Variants in TTL observed in about 807,000 individuals in gnomAD.
TTL encodes the protein tubulin--tyrosine ligase.
In TTL, 10 loss-of-function variants were observed where a neutral mutation model predicts 41.1. The observed-to-expected ratio is 0.24, with a 90% CI of 0.15 to 0.41. TTL has a LOEUF of 0.41. TTL is among the 10% of genes least tolerant of loss of function. The probability of loss-of-function intolerance (pLI) is 1.00; values close to 1 mark genes in which losing one functional copy is unlikely to be tolerated. For synonymous variants in TTL, 175 were observed against 175.5 expected (o/e 1.00, Z 0.02); for missense variants, 367 against 460.4 (o/e 0.80, Z 1.86).
intron 6 of TTL, among the ~76,000 whole-genome samples, chr2:112,527,499 G>T (rs143200986): frequency 0.1 from 15,934 of 152,230 alleles, 1,044 homozygotes; most frequent in South Asian, 0.16. Context: ...GGGTGCGCCT[G>T]TATTGGGTGC....
chr2:112,510,990 T>C (rs2104464810), intron 5 of TTL, among the ~76,000 whole-genome samples: 1 of 152,262 alleles, frequency 6.6e-6, no homozygotes, highest in South Asian at 2.1e-4. Context: ...GAATGTGTAC[T>C]TGGCTATAAT....
chr2:112,519,976 C>G (rs1682175288), intron 5 of TTL, among the ~76,000 whole-genome samples: 1 of 151,806 alleles, frequency 6.6e-6, no homozygotes, highest in African/African-American at 2.4e-5. Context: ...ACTGAAAATA[C>G]AAAATTAGCT....
intron 2 of TTL, among the ~76,000 whole-genome samples, chr2:112,490,834 AACTGCT>A (rs1220761025): frequency 6.6e-6 from 1 of 152,084 alleles, no homozygotes; most frequent in Non-Finnish European, 1.5e-5. Context: ...CGGCCTCCCA[AACTGCT>A]GGCATTACAG....
chr2:112,518,117 C>T (rs957995649), intron 5 of TTL, among the ~76,000 whole-genome samples: 3 of 150,156 alleles, frequency 2.0e-5, no homozygotes, highest in Admixed American at 6.6e-5. Flanking sequence ...TACAGGCATG[C>T]GCCACCACAG....
intron 2 of TTL, among the ~76,000 whole-genome samples, chr2:112,487,915 C>T (rs1372663494): frequency 3.3e-5 from 5 of 152,162 alleles, no homozygotes; most frequent in Admixed American, 1.3e-4. Context: ...ATAAAGTCTC[C>T]TTGATTTTAT....
rs1682672148 is a variant in TTL at position 112,539,525 on chromosome 2, T to A, written c.*10730T>A. On this transcript the variant is annotated 3_prime_UTR_variant, in exon 7 of 7. Transcript: ENST00000233336. Reference sequence around the variant, plus strand: ...CTAGAAATAAATTACTTCCTCAACATGATAAAGAGCATCTTTGGAAAAACC... The same window carrying A: ...CTAGAAATAAATTACTTCCTCAACAAGATAAAGAGCATCTTTGGAAAAACC... 1 of 152,324 alleles carries A rather than the reference T, an allele frequency of 6.6e-6. No individual in the cohort carries two copies. The highest frequency in any genetic ancestry group is 2.4e-5 in the African/African-American group (1 of 41,558). 9.4% of individuals were successfully genotyped at this position (152,324 alleles called of 1,614,324 possible).
At chr2:112,492,980 C>T (rs1408953482) in intron 2 of TTL, among the ~76,000 whole-genome samples, 3 of 152,170 alleles carry the variant, frequency 2.0e-5, no homozygotes, top group Admixed American at 6.5e-5. Context: ...TCAGTAGCCA[C>T]TTGTGGTTGG....
In TTL at chr2:112,482,637, G is replaced by A; in HGVS notation, c.157+136G>A. 1 of 1,000,998 alleles carries A rather than the reference G, an allele frequency of 1.0e-6. No individual in the cohort carries two copies. Among genetic ancestry groups the A allele is most frequent in the Admixed American group, 3.6e-5 (1 of 28,046 alleles). 62.0% of individuals were successfully genotyped at this position (1,000,998 alleles called of 1,614,324 possible). ...GTCGCTTGTCGGGCACATCAGAAAC[G>A]GATTCGGAAAGATCGAAACCTGTCG... On this transcript the variant is annotated intron_variant, in intron 1 of 6. Coordinates refer to ENST00000233336, the MANE Select transcript of TTL (RefSeq NM_153712.5). This position sits in a 1 kb window ranked among gnomAD's most constrained non-coding sequence, Gnocchi z 5.3.
intron 3 of TTL, among the ~76,000 whole-genome samples, chr2:112,497,109 C>T (rs572455584): frequency 1.3e-5 from 2 of 151,676 alleles, no homozygotes; most frequent in Non-Finnish European, 2.9e-5. Context: ...CGTGAGCCAC[C>T]GTGCCCGGGC....
chr2:112,524,466 G>A (rs886527952), intron 6 of TTL, among the ~76,000 whole-genome samples: 1 of 152,146 alleles, frequency 6.6e-6, no homozygotes, highest in Admixed American at 6.5e-5. Context: ...GTTGCTTCCT[G>A]ACTTTTTAAT....
At chr2:112,496,664 TC>T (rs1681533890) in intron 3 of TTL, among the ~76,000 whole-genome samples, 1 of 119,248 alleles carries the variant, frequency 8.4e-6, no homozygotes, top group South Asian at 3.3e-4. Context: ...TATATATGTG[TC>T]TGTGTGTGTG....
Position 112,531,091 on chromosome 2 carries a change from C to T in TTL, c.*2296C>T, listed in dbSNP as rs777298480. The T allele has an allele frequency of 1.7e-4, 35 of 209,272 alleles. No homozygotes were observed. Among genetic ancestry groups the T allele is most frequent in the South Asian group, 7.5e-4 (4 of 5,320 alleles). The allele number at this position is 209,272 out of a possible 1,614,324, so 13.0% of individuals were successfully genotyped here. A position where few individuals can be genotyped will look rare whatever the true frequency, so the allele number is the denominator to read the frequency against. On this transcript the variant is annotated 3_prime_UTR_variant, in exon 7 of 7. Coordinates refer to ENST00000233336, the MANE Select transcript of TTL (RefSeq NM_153712.5). ...AATTTCTGGGCTTGAGCAGTCCTCC[C>T]GTCTCAGCCTCCTGAGTAGCTGAGA... is the stretch of plus-strand genomic sequence containing the variant.
rs1438449249 is a variant in TTL, at chr2:112,485,995, A to G, written c.236A>G (p.Lys79Arg). ...CTGTGTCGCAAAGCTTCTTTAGTGAAGTAAGTGTTAAGACCGCTGTTTTCC... is the reference window on the plus strand; with the variant it reads ...CTGTGTCGCAAAGCTTCTTTAGTGAGGTAAGTGTTAAGACCGCTGTTTTCC... ...DKLCRKASLVKLIKTSPELAE... is the reference protein window; with the variant it reads ...DKLCRKASLVRLIKTSPELAE... Residue 79 changes from lysine (K) to arginine (R), a missense_variant and splice_region_variant, in exon 2 of 7, where the codon AAG becomes AGG. Physicochemically the swap from Lys to Arg is conservative, Grantham distance 26. Transcript: ENST00000233336. The G allele has an allele frequency of 3.7e-6, 6 of 1,614,042 alleles. No homozygotes were observed. The Admixed American group carries it at 1.0e-4, about 27-fold the overall frequency.
In TTL at chr2:112,482,749, G is replaced by A. The variant is rs1441705120; in HGVS notation, c.157+248G>A. Among the ~76,000 whole-genome samples, 1 of 152,248 alleles carries A rather than the reference G, an allele frequency of 6.6e-6. No homozygotes were observed. The highest frequency in any genetic ancestry group is 2.4e-5 in the African/African-American group (1 of 41,472). On this transcript the variant is annotated intron_variant, in intron 1 of 6. Transcript: ENST00000233336. This position sits in a 1 kb window ranked among gnomAD's most constrained non-coding sequence, Gnocchi z 5.3. ...GGGGCCGCAGCTACCTCCCGACGGT[G>A]ACCGGTCCCTGCAGCCCGGGAGACG... is the stretch of plus-strand genomic sequence containing the variant.
rs1219862066 is a variant in TTL at position 112,501,275 on chromosome 2, A to G, written c.539A>G (p.His180Arg). 2 of 1,613,796 alleles carry G rather than the reference A, an allele frequency of 1.2e-6. No individual in the cohort carries two copies. The highest frequency in any genetic ancestry group is 1.7e-6 in the Non-Finnish European group (2 of 1,179,832). The change falls in exon 4 of 7, where the codon CAC becomes CGC. Residue 180 changes from histidine to arginine, a missense_variant. By Grantham distance (29) the His-to-Arg change is conservative. Coordinates refer to ENST00000233336, the MANE Select transcript of TTL (RefSeq NM_153712.5). ...LDFIDNQGQVHVIQKYLEHPL... is the reference protein window; with the variant it reads ...LDFIDNQGQVRVIQKYLEHPL... Reference sequence around the variant, plus strand: ...TTCATAGACAACCAGGGCCAAGTGCACGTGATCCAGAAATATCTTGAGCAC... The same window carrying G: ...TTCATAGACAACCAGGGCCAAGTGCGCGTGATCCAGAAATATCTTGAGCAC...
rs775760697 is a variant in TTL at position 112,482,417 on chromosome 2, G to C, written c.73G>C (p.Gly25Arg). The change falls in exon 1 of 7, where the codon GGC (glycine) becomes CGC (arginine). Residue 25 changes from glycine to arginine, a missense_variant. Gly to Arg is a moderately radical substitution (Grantham distance 125, BLOSUM62 -2). Coordinates refer to ENST00000233336, the MANE Select transcript of TTL (RefSeq NM_153712.5). The surrounding 1 kb of genome is among the most constrained non-coding windows in gnomAD (Gnocchi z 5.3). ...AEVSRLLLAT[G>R]HWKRLRRDNP... ...GGTCTCCCGGCTGCTCCTCGCCACC[G>C]GCCACTGGAAGAGGCTGCGGCGAGA... 8.7e-6 allele frequency: 14 copies of C among 1,608,782 alleles called. No individual in the cohort carries two copies. Among genetic ancestry groups the C allele is most frequent in the Non-Finnish European group, 1.0e-5 (12 of 1,178,172 alleles).
chr2:112,518,373 G>T (rs1451379911), intron 5 of TTL, among the ~76,000 whole-genome samples: 1 of 151,488 alleles, frequency 6.6e-6, no homozygotes, highest in African/African-American at 2.4e-5. Flanking sequence ...AATTCAGGTT[G>T]AATATGAATG....
rs1377480411 is a variant in TTL, at chr2:112,534,709, GAACA to G, written c.*5922_*5925del. The G allele has an allele frequency of 6.6e-6, 1 of 152,126 alleles. No individual in the cohort carries two copies. The highest frequency in any genetic ancestry group is 1.5e-5 in the Non-Finnish European group (1 of 68,036). The allele number at this position is 152,126 out of a possible 1,614,324, so 9.4% of individuals were successfully genotyped here. ...CTTCCTAAGGTGGCTGTAACAGTTG[GAACA>G]AACAAACTGACCAAAAGACTTAGAA... is the stretch of plus-strand genomic sequence containing the variant. On this transcript the variant is annotated 3_prime_UTR_variant, in exon 7 of 7. Transcript: ENST00000233336.
intron 2 of TTL, among the ~76,000 whole-genome samples, chr2:112,490,342 G>A (rs1343546421): frequency 6.6e-6 from 1 of 151,930 alleles, no homozygotes; most frequent in Non-Finnish European, 1.5e-5. Context: ...CGCTTGAGCC[G>A]GGGAGGCAGA....
Sources: gnomAD v4.1 joint callset for allele counts (sites outside exome capture counted in the v4.1 genomes callset) on GRCh38, gnomAD v4.1.1 for gene constraint, Gnocchi (gnomAD v3.1) non-coding constraint, MANE v1.5 for transcripts, NCBI Gene and HGNC (gene_info 2026-07-23, HGNC 2026-07-21) for gene names.